ZNF521: variants seen among roughly 807,000 people sequenced by gnomAD.
The protein encoded by ZNF521 is zinc finger protein 521.
In ZNF521, 14 loss-of-function variants were observed where a neutral mutation model predicts 105.5. That is an observed-to-expected ratio of 0.13 (90% confidence interval 0.09 to 0.21). The LOEUF is 0.21. Among genes scored for constraint, ZNF521 ranks in the 10% least tolerant of loss-of-function variants. The pLI is 1.00. For synonymous variants in ZNF521, 635 were observed against 606.0 expected, an observed-to-expected ratio of 1.05 and a Z score of -0.70; for missense variants, 1,233 against 1,629.7, an observed-to-expected ratio of 0.76 and a Z score of 4.19.
At chr18:25,286,141 C>T (rs762883448) in intron 3 of ZNF521, among the ~76,000 whole-genome samples, 2 of 152,108 alleles carry the variant, frequency 1.3e-5, no homozygotes, top group Admixed American at 6.5e-5. Context: ...CTGAGCCAGA[C>T]GTGTCTGGGC....
Position 25,222,380 on chromosome 18 carries a change from G to A in ZNF521, c.3573+1965C>T, listed in dbSNP as rs138164261. ...AAATACTATTTATATGTCCTCATTC[G>A]TTTTTGAAATATTTCCTCTTAGATG... On this transcript the variant is annotated intron_variant, in intron 4 of 7. Coordinates refer to ENST00000361524, the MANE Select transcript of ZNF521 (RefSeq NM_015461.3). 6.6e-4 allele frequency among the ~76,000 whole-genome samples: 101 copies of A among 152,140 alleles called. 1 individual carries two copies. The East Asian group carries it at 0.015, about 22-fold the overall frequency.
At chr18:25,184,472 G>C (rs1322802215) in intron 5 of ZNF521, among the ~76,000 whole-genome samples, 1 of 152,084 alleles carries the variant, frequency 6.6e-6, no homozygotes, top group Non-Finnish European at 1.5e-5. Flanking sequence ...AAAATGTCTT[G>C]TGGTGACTTA....
chr18:25,333,683 C>T (rs372093853), intron 2 of ZNF521, among the ~76,000 whole-genome samples: 1 of 152,104 alleles, frequency 6.6e-6, no homozygotes, highest in South Asian at 2.1e-4. Context: ...TGGGTATGTC[C>T]ATCTTTCACA....
intron 4 of ZNF521, among the ~76,000 whole-genome samples, chr18:25,215,520 C>T (rs1351678022): frequency 6.6e-6 from 1 of 152,188 alleles, no homozygotes; most frequent in Admixed American, 6.5e-5. Context: ...TGAAATGTTT[C>T]TCCTAGACAG....
chr18:25,267,851 C>A (rs1206671832), intron 3 of ZNF521, among the ~76,000 whole-genome samples: 1 of 152,098 alleles, frequency 6.6e-6, no homozygotes, highest in Admixed American at 6.6e-5. Flanking sequence ...CTGAAAAATT[C>A]CAAAAACCAG....
intron 3 of ZNF521, among the ~76,000 whole-genome samples, chr18:25,320,507 T>C (rs1348998525): frequency 2.6e-5 from 4 of 152,256 alleles, no homozygotes; most frequent in African/African-American, 7.2e-5. Flanking sequence ...AAGTATACTA[T>C]AGATATGTAA....
intron 3 of ZNF521, among the ~76,000 whole-genome samples, chr18:25,265,862 A>T (rs1002745884): frequency 2.6e-5 from 4 of 152,226 alleles, no homozygotes; most frequent in Non-Finnish European, 1.5e-5. Context: ...ACATAAAAAA[A>T]GAATAAGATC....
At chr18:25,351,529 G>C (rs1399483916) in intron 1 of ZNF521, 1 of 152,232 alleles carries the variant, frequency 6.6e-6, no homozygotes. Flanking sequence ...TTTGTAGTTG[G>C]GGGGACGAGG....
chr18:25,128,268 C>CAACATCT (rs2034573895), intron 5 of ZNF521, among the ~76,000 whole-genome samples: 1 of 151,646 alleles, frequency 6.6e-6, no homozygotes, highest in East Asian at 1.9e-4. Context: ...ATCCAACATC[C>CAACATCT]ATTCATGATA....
At chr18:25,065,315 T>C (rs868280088) in intron 7 of ZNF521, among the ~76,000 whole-genome samples, 57 of 152,368 alleles carry the variant, frequency 3.7e-4, no homozygotes, top group Middle Eastern at 3.4e-3. Context: ...TGATGGAATA[T>C]AGGTGACTAA....
chr18:25,322,885 G>C (rs1216763640), intron 2 of ZNF521, among the ~76,000 whole-genome samples: 2 of 152,140 alleles, frequency 1.3e-5, no homozygotes, highest in Non-Finnish European at 2.9e-5. Flanking sequence ...ACTTGAGTTG[G>C]CATTACCAAT....
intron 5 of ZNF521, among the ~76,000 whole-genome samples, chr18:25,136,922 G>C (rs2034745574): frequency 6.6e-6 from 1 of 152,072 alleles, no homozygotes. Flanking sequence ...TGTTGGACTG[G>C]GGGAATACAA....
chr18:25,259,397 G>A (rs1663971957), intron 3 of ZNF521, among the ~76,000 whole-genome samples: 1 of 152,128 alleles, frequency 6.6e-6, no homozygotes, highest in Admixed American at 6.5e-5. Context: ...TCTTAAGACT[G>A]AGTTATGGTA....
chr18:25,348,521 C>T (rs1914561097), intron 2 of ZNF521, among the ~76,000 whole-genome samples: 1 of 152,168 alleles, frequency 6.6e-6, no homozygotes, highest in South Asian at 2.1e-4. Flanking sequence ...TTATTCCTGT[C>T]TTCAGCTTCT....
At chr18:25,336,162 T>C (rs1320550262) in intron 2 of ZNF521, among the ~76,000 whole-genome samples, 2 of 152,084 alleles carry the variant, frequency 1.3e-5, no homozygotes, top group Non-Finnish European at 2.9e-5. Flanking sequence ...ATTCCTGTAT[T>C]CTCCTTCCAC....
chr18:25,278,568 T>C (rs1910179517), intron 3 of ZNF521, among the ~76,000 whole-genome samples: 1 of 152,202 alleles, frequency 6.6e-6, no homozygotes, highest in South Asian at 2.1e-4. Flanking sequence ...ATGAAGAGTG[T>C]CTTGCAATTT....
intron 7 of ZNF521, among the ~76,000 whole-genome samples, chr18:25,065,551 A>T (rs983076533): frequency 6.6e-6 from 1 of 152,170 alleles, no homozygotes; most frequent in Non-Finnish European, 1.5e-5. Context: ...GGTCCCAAGC[A>T]TTTTAAAAAA....
Position 25,226,249 on chromosome 18 carries a change from C to T in ZNF521, c.1669G>A (p.Val557Ile), listed in dbSNP as rs1906118139. The stretch of plus-strand genomic sequence containing the variant: ...CAATAGGAACAAGAATAGACTTCTA[C>T]TACTGGTTCTTTGGGAGTCCCAAGC... ...PVLGTPKEPV[V>I]EVYSCSYCTN... Residue 557 changes from valine to isoleucine, a missense_variant, in exon 4 of 8, where the codon GTA becomes ATA. By Grantham distance (29) the Val-to-Ile change is conservative. Coordinates refer to ENST00000361524, the MANE Select transcript of ZNF521 (RefSeq NM_015461.3). This position sits in a 1 kb window ranked among gnomAD's most constrained non-coding sequence, Gnocchi z 4.1. The T allele has an allele frequency of 1.2e-6, 2 of 1,614,198 alleles. No homozygotes were observed. Among genetic ancestry groups the T allele is most frequent in the Non-Finnish European group, 1.7e-6 (2 of 1,180,002 alleles).
At chr18:25,301,101 A>G (rs1408027381) in intron 3 of ZNF521, among the ~76,000 whole-genome samples, 1 of 152,218 alleles carries the variant, frequency 6.6e-6, no homozygotes, top group Non-Finnish European at 1.5e-5. Flanking sequence ...TTCTTCCATC[A>G]TATCTATACC....
Sources: gnomAD v4.1 joint callset for allele counts (sites outside exome capture counted in the v4.1 genomes callset) on GRCh38, gnomAD v4.1.1 for gene constraint, Gnocchi (gnomAD v3.1) non-coding constraint, MANE v1.5 for transcripts, NCBI Gene and HGNC (gene_info 2026-07-23, HGNC 2026-07-21) for gene names.